Variants in EHMT1 observed in about 807,000 individuals in gnomAD.
EHMT1 encodes the protein histone-lysine N-methyltransferase EHMT1.
In EHMT1, 15 loss-of-function variants were observed where a neutral mutation model predicts 147.2. The ratio of observed to expected loss-of-function variants is 0.10; its 90% CI spans 0.07 to 0.16. EHMT1 has a LOEUF of 0.16. Ranked by LOEUF, EHMT1 falls within the 10% of genes least tolerant of loss-of-function variation. The pLI is 1.00. For missense variants in EHMT1, 1,587 were observed against 1,772.4 expected (o/e 0.90, Z 1.88); for synonymous variants, 795 against 709.6 (o/e 1.12, Z -1.91).
chr9:137,678,544 T>C (rs763387556), intron 1 of EHMT1, among the ~76,000 whole-genome samples: 1 of 152,224 alleles, frequency 6.6e-6, no homozygotes, highest in Non-Finnish European at 1.5e-5. Context: ...CTCGCCGCGT[T>C]GGGATAGCCT....
chr9:137,823,224 G>A (rs1251709536), intron 25 of EHMT1, among the ~76,000 whole-genome samples: 3 of 146,798 alleles, frequency 2.0e-5, no homozygotes, highest in African/African-American at 2.5e-5. Flanking sequence ...TCAGCCTCCT[G>A]AGTAGCTGGG....
At chr9:137,665,280 G>T (rs1268636279) in intron 1 of EHMT1, among the ~76,000 whole-genome samples, 2 of 152,182 alleles carry the variant, frequency 1.3e-5, no homozygotes, top group Non-Finnish European at 2.9e-5. Flanking sequence ...GCTGGCATAG[G>T]TGTATAAGGG....
chr9:137,722,951 A>G (rs1264406551), intron 3 of EHMT1, among the ~76,000 whole-genome samples: 2 of 76,502 alleles, frequency 2.6e-5, no homozygotes, highest in African/African-American at 1.3e-4. Context: ...TCTGGGCCTG[A>G]GCCGGGGGTG....
intron 3 of EHMT1, among the ~76,000 whole-genome samples, chr9:137,718,945 G>A (rs1449463149): frequency 9.1e-4 from 138 of 151,880 alleles, no homozygotes; most frequent in Non-Finnish European, 3.8e-4. Context: ...TAGTAGAGAT[G>A]AGGTTTCACC....
At chr9:137,814,794 G>A in intron 22 of EHMT1, 1 of 577,796 alleles carries the variant, frequency 1.7e-6, no homozygotes. Flanking sequence ...TTGGCCCCAG[G>A]AGGAGGTGCT....
At chr9:137,709,985 C>G (rs1454981824) in intron 1 of EHMT1, among the ~76,000 whole-genome samples, 1 of 152,114 alleles carries the variant, frequency 6.6e-6, no homozygotes, top group Non-Finnish European at 1.5e-5. Context: ...GTCAGCAGCC[C>G]TCTTCCCCGG....
At chr9:137,718,094 G>C (rs112864329) in intron 3 of EHMT1, among the ~76,000 whole-genome samples, 1 of 142,672 alleles carries the variant, frequency 7.0e-6, no homozygotes, top group African/African-American at 3.0e-5. Context: ...CACAGGGCGC[G>C]CCCGCCCCTC....
intron 4 of EHMT1, among the ~76,000 whole-genome samples, chr9:137,734,681 CAA>C (rs1272886840): frequency 6.6e-6 from 1 of 152,192 alleles, no homozygotes; most frequent in Non-Finnish European, 1.5e-5. Context: ...TGTAGAAAGA[CAA>C]AGAGAATCTT....
At chr9:137,733,567 C>T (rs1296198194) in intron 4 of EHMT1, among the ~76,000 whole-genome samples, 1 of 152,216 alleles carries the variant, frequency 6.6e-6, no homozygotes, top group Non-Finnish European at 1.5e-5. Context: ...CCACTGCCTT[C>T]CTCAGCCCTG....
chr9:137,631,250 G>T (rs1376110773), intron 1 of EHMT1, among the ~76,000 whole-genome samples: 2 of 151,970 alleles, frequency 1.3e-5, no homozygotes, highest in African/African-American at 4.8e-5. Context: ...AAATTAGCCG[G>T]GCGTGATGGC....
At position 137,818,113 on chromosome 9, in the gene EHMT1, C is replaced by T; in HGVS notation, c.3515C>T (p.Ser1172Phe). The T allele has an allele frequency of 6.2e-7, 1 of 1,614,198 alleles. No homozygotes were observed. Among genetic ancestry groups the T allele is most frequent in the Non-Finnish European group, 8.5e-7 (1 of 1,180,032 alleles). The change falls in exon 25 of 27, where the codon TCT becomes TTT. Residue 1172 changes from serine (S) to phenylalanine (F), a missense_variant. Ser to Phe is a radical substitution (Grantham distance 155). This residue lies in a region of EHMT1 where 156 missense variants were observed against 252.5 expected (regional missense o/e 0.62). Transcript: ENST00000460843. ...DSEADVREED[S>F]YLFDLDNKDG... ...GAAGCCGACGTTCGAGAGGAAGATT[C>T]TTACCTCTTTGATCTCGACAATAAG...
chr9:137,624,000 C>CTTT (rs34882647), intron 1 of EHMT1, among the ~76,000 whole-genome samples: 2 of 131,556 alleles, frequency 1.5e-5, no homozygotes, highest in South Asian at 2.4e-4. Flanking sequence ...TTCTTTCTTT[C>CTTT]TTTTTTTTTT....
chr9:137,692,731 G>T (rs897945459), intron 1 of EHMT1, among the ~76,000 whole-genome samples: 2 of 152,080 alleles, frequency 1.3e-5, no homozygotes, highest in African/African-American at 4.8e-5. Context: ...TGTGTGTGTC[G>T]GACGGCAGTG....
intron 1 of EHMT1, among the ~76,000 whole-genome samples, chr9:137,657,834 T>A (rs572756890): frequency 1.3e-5 from 2 of 149,452 alleles, no homozygotes; most frequent in South Asian, 4.2e-4. Flanking sequence ...TCCCAGCCTC[T>A]GCAAACCATC....
chr9:137,822,236 G>T (rs1955474450), intron 25 of EHMT1, among the ~76,000 whole-genome samples: 1 of 152,192 alleles, frequency 6.6e-6, no homozygotes, highest in South Asian at 2.1e-4. Context: ...TCTGTTGTTG[G>T]ACGGTGACCC....
chr9:137,826,268 T>A (rs904196081), intron 25 of EHMT1, among the ~76,000 whole-genome samples: 1 of 152,226 alleles, frequency 6.6e-6, no homozygotes, highest in Non-Finnish European at 1.5e-5. Flanking sequence ...GCATCTGTTT[T>A]GCTGCTTATC....
At chr9:137,689,660 G>A (rs1165468050) in intron 1 of EHMT1, among the ~76,000 whole-genome samples, 3 of 152,166 alleles carry the variant, frequency 2.0e-5, no homozygotes, top group East Asian at 3.8e-4. Context: ...CTGAGATTGC[G>A]CCACTGCACT....
rs1054470838 is a variant in EHMT1 at position 137,813,258 on chromosome 9, C to T, written c.3035+85C>T. ...TTGCGGTGAAAGCTGCTCCTGAAGCCGAAACATCCCCAGGCTGCAGTCCAA... is the reference window on the plus strand; with the variant it reads ...TTGCGGTGAAAGCTGCTCCTGAAGCTGAAACATCCCCAGGCTGCAGTCCAA... On this transcript the variant is annotated intron_variant, in intron 20 of 26. Transcript: ENST00000460843. The surrounding 1 kb of genome is among the most constrained non-coding windows in gnomAD (Gnocchi z 4.9). The T allele has an allele frequency of 8.3e-6, 13 of 1,566,284 alleles. No individual in the cohort carries two copies. The highest frequency in any genetic ancestry group is 4.0e-4 in the Middle Eastern group (2 of 5,004).
chr9:137,708,551 A>G (rs1944438733), intron 1 of EHMT1, among the ~76,000 whole-genome samples: 1 of 152,230 alleles, frequency 6.6e-6, no homozygotes. Context: ...GGTATCAAAA[A>G]TCATAGTCAC....
Sources: gnomAD v4.1 joint callset for allele counts (sites outside exome capture counted in the v4.1 genomes callset) on GRCh38, gnomAD v4.1.1 for gene constraint, gnomAD v4.1.1 regional missense constraint, Gnocchi (gnomAD v3.1) non-coding constraint, MANE v1.5 for transcripts, NCBI Gene and HGNC (gene_info 2026-07-23, HGNC 2026-07-21) for gene names.